Variants in RIMBP2 observed in about 807,000 individuals in gnomAD.
The protein encoded by RIMBP2 is RIMS binding protein 2, also known as RIMS-binding protein 2.
In RIMBP2, 48 loss-of-function variants were observed where a neutral mutation model predicts 118.6. The observed-to-expected ratio is 0.40, with a 90% confidence interval of 0.32 to 0.51. The LOEUF is 0.51. RIMBP2 is among the 20% of genes least tolerant of loss of function. The pLI, the probability that RIMBP2 is intolerant of heterozygous loss-of-function variation, is 0.41. For missense variants in RIMBP2, 1,551 were observed against 1,768.3 expected (o/e 0.88, Z 2.20); for synonymous variants, 762 against 742.9 (o/e 1.03, Z -0.42).
intron 10 of RIMBP2, among the ~76,000 whole-genome samples, chr12:130,443,787 A>G (rs750538505): frequency 6.6e-6 from 1 of 152,170 alleles, no homozygotes; most frequent in Non-Finnish European, 1.5e-5. Flanking sequence ...GATGATGATG[A>G]TGGTGGTGAT....
At chr12:130,665,822 G>A (rs1000735029) in intron 1 of RIMBP2, among the ~76,000 whole-genome samples, 2 of 152,102 alleles carry the variant, frequency 1.3e-5, no homozygotes, top group Non-Finnish European at 2.9e-5. Flanking sequence ...GACCCATCAC[G>A]ATACTGCAGC....
Position 130,504,373 on chromosome 12 carries a change from T to G in RIMBP2, c.-4+2275A>C, listed in dbSNP as rs542775034. On this transcript the variant is annotated intron_variant, in intron 4 of 22. Coordinates refer to ENST00000690449, the MANE Select transcript of RIMBP2 (RefSeq NM_001393629.1). The stretch of plus-strand genomic sequence containing the variant: ...GGTCTCTGATCCCAGTAGAATCCTC[T>G]TCAGCTCTCAGCAAATCAGGTTGAT... 2.6e-5 allele frequency among the ~76,000 whole-genome samples: 4 copies of G among 152,252 alleles called. No homozygotes were observed. In the East Asian group the frequency reaches 7.7e-4, roughly 29 times the overall value.
intron 1 of RIMBP2, among the ~76,000 whole-genome samples, chr12:130,656,811 A>G (rs1464101078): frequency 1.4e-5 from 2 of 147,684 alleles, no homozygotes; most frequent in Non-Finnish European, 2.9e-5. Context: ...TGGGAGGCTG[A>G]GGTGGCAGGA....
chr12:130,608,849 T>C (rs753816971), intron 2 of RIMBP2, among the ~76,000 whole-genome samples: 3 of 152,192 alleles, frequency 2.0e-5, no homozygotes, highest in African/African-American at 4.8e-5. Flanking sequence ...TCATTAACTA[T>C]GGTCAGCTTG....
chr12:130,598,840 A>G (rs2059705987), intron 2 of RIMBP2, among the ~76,000 whole-genome samples: 1 of 152,212 alleles, frequency 6.6e-6, no homozygotes, highest in Non-Finnish European at 1.5e-5. Flanking sequence ...AAAAGAATAG[A>G]GATCCCATAA....
intron 2 of RIMBP2, among the ~76,000 whole-genome samples, chr12:130,524,858 G>A (rs1479362796): frequency 3.9e-5 from 6 of 152,320 alleles, no homozygotes; most frequent in Admixed American, 2.6e-4. Context: ...AAAAGAAGGT[G>A]CCACATTCTG....
intron 2 of RIMBP2, among the ~76,000 whole-genome samples, chr12:130,598,146 A>C (rs1184506577): frequency 1.3e-5 from 2 of 152,272 alleles, no homozygotes; most frequent in African/African-American, 4.8e-5. Context: ...AGCCTTAAAA[A>C]TACAAAATAT....
At chr12:130,615,300 T>TATATATATATATATATATACAC (rs1367996306) in intron 2 of RIMBP2, among the ~76,000 whole-genome samples, 5 of 140,844 alleles carry the variant, frequency 3.6e-5, no homozygotes, top group Admixed American at 1.4e-4. Flanking sequence ...TATATATGTG[T>TATATATATATATATATATACAC]ACACACAAAC....
At chr12:130,454,332 G>T (rs2079236740) in intron 7 of RIMBP2, among the ~76,000 whole-genome samples, 1 of 152,260 alleles carries the variant, frequency 6.6e-6, no homozygotes. Flanking sequence ...TTCAGAGAGT[G>T]GGGGAAGAAA....
At chr12:130,647,047 C>A (rs1170185432) in intron 1 of RIMBP2, among the ~76,000 whole-genome samples, 2 of 152,196 alleles carry the variant, frequency 1.3e-5, no homozygotes, top group African/African-American at 4.8e-5. Context: ...GGGTCCCCTC[C>A]CCTCAGCATG....
rs1335446486 is a variant in RIMBP2, at chr12:130,623,129, A to G, written c.-217+5193T>C. On this transcript the variant is annotated intron_variant, in intron 2 of 22. Transcript: ENST00000690449. This position sits in a 1 kb window ranked among gnomAD's most constrained non-coding sequence, Gnocchi z 4.1. ...ATAAAACGAAGGTCAACTGAATACT[A>G]TTAAAGACTGAGGTAATTCCATCCT... 1.3e-5 allele frequency among the ~76,000 whole-genome samples: 2 copies of G among 152,252 alleles called. No homozygotes were observed. The highest frequency in any genetic ancestry group is 2.9e-5 in the Non-Finnish European group (2 of 68,042).
chr12:130,420,541 G>A lies in RIMBP2; in HGVS notation c.3238+1912C>T, dbSNP rs182247393. Among the ~76,000 whole-genome samples, 7 of 152,170 alleles carry A rather than the reference G, an allele frequency of 4.6e-5. No individual in the cohort carries two copies. The East Asian group carries it at 9.7e-4, about 21-fold the overall frequency. On this transcript the variant is annotated intron_variant, in intron 17 of 22. Transcript: ENST00000690449. This position sits in a 1 kb window ranked among gnomAD's most constrained non-coding sequence, Gnocchi z 4.3. ...ATCAAAAGTAGTTTCATTTGGGAAGGGTTTTTATGATACTAATAAAACTTT... is the reference window on the plus strand; with the variant it reads ...ATCAAAAGTAGTTTCATTTGGGAAGAGTTTTTATGATACTAATAAAACTTT...
intron 4 of RIMBP2, among the ~76,000 whole-genome samples, chr12:130,483,660 A>G (rs1285125887): frequency 2.1e-3 from 232 of 111,030 alleles, no homozygotes; most frequent in Middle Eastern, 0.012. Flanking sequence ...CACAGTGCCC[A>G]GAGCCCCCGT....
chr12:130,550,328 G>A (rs1432285557), intron 2 of RIMBP2, among the ~76,000 whole-genome samples: 5 of 152,208 alleles, frequency 3.3e-5, no homozygotes, highest in Non-Finnish European at 7.3e-5. Context: ...GAAAAGTGAT[G>A]ATGTTCAGAA....
At chr12:130,630,477 ATTCCT>A (rs1322452562) in intron 1 of RIMBP2, among the ~76,000 whole-genome samples, 1 of 152,148 alleles carries the variant, frequency 6.6e-6, no homozygotes, top group Non-Finnish European at 1.5e-5. Flanking sequence ...AATATCAGAA[ATTCCT>A]TTACTTCTAT....
At chr12:130,604,191 T>C (rs950081006) in intron 2 of RIMBP2, among the ~76,000 whole-genome samples, 3 of 151,606 alleles carry the variant, frequency 2.0e-5, no homozygotes, top group Non-Finnish European at 2.9e-5. Context: ...AAAATTCTTA[T>C]GGAATAAGGA....
chr12:130,638,600 C>G (rs1021144189), intron 1 of RIMBP2, among the ~76,000 whole-genome samples: 8 of 152,124 alleles, frequency 5.3e-5, no homozygotes, highest in Admixed American at 2.0e-4. Flanking sequence ...ATCTGGGCTG[C>G]ATGCTCCTTA....
chr12:130,501,537 A>G (rs1743674684), intron 4 of RIMBP2, among the ~76,000 whole-genome samples: 1 of 152,212 alleles, frequency 6.6e-6, no homozygotes, highest in African/African-American at 2.4e-5. Context: ...TACCATTGCC[A>G]TGGCAACGTC....
rs370349082 is a variant in RIMBP2 at position 130,554,966 on chromosome 12, C to G, written c.-216-37049G>C. 4.6e-5 allele frequency among the ~76,000 whole-genome samples: 7 copies of G among 152,260 alleles called. No homozygotes were observed. The East Asian group carries it at 9.6e-4, about 21-fold the overall frequency. The stretch of plus-strand genomic sequence containing the variant: ...TTGAACAGCATTCCTAAATATTTAG[C>G]AAAGATTTGAATTCACTTATGTGCT... On this transcript the variant is annotated intron_variant, in intron 2 of 22. Coordinates refer to ENST00000690449, the MANE Select transcript of RIMBP2 (RefSeq NM_001393629.1).
Sources: allele counts gnomAD v4.1 joint callset (sites outside exome capture counted in the v4.1 genomes callset), GRCh38; gene constraint gnomAD v4.1.1; non-coding constraint Gnocchi (gnomAD v3.1); transcripts MANE v1.5; gene names NCBI Gene and HGNC (gene_info 2026-07-23, HGNC 2026-07-21).